INTS4: variants seen among roughly 807,000 people sequenced by gnomAD.
INTS4 encodes the protein integrator complex subunit 4, also known as MSTP093.
In INTS4, 70 loss-of-function variants were observed where a neutral mutation model predicts 119.5. That is an observed-to-expected ratio of 0.59 (90% CI 0.48 to 0.71). The LOEUF (loss-of-function observed/expected upper bound fraction) is 0.71, where lower values mean the gene tolerates loss of function less well. INTS4 is among the 30% of genes least tolerant of loss of function. The pLI is 0.00. For synonymous variants in INTS4, 316 were observed against 419.6 expected (o/e 0.75, Z 3.02); for missense variants, 867 against 1,173.2 (o/e 0.74, Z 3.81).
intron 10 of INTS4, among the ~76,000 whole-genome samples, chr11:77,932,927 G>T (rs956118162): frequency 6.7e-6 from 1 of 148,192 alleles, no homozygotes; most frequent in African/African-American, 2.5e-5. Context: ...GACACTGAAG[G>T]TGGGGGGGCA....
In INTS4 at chr11:77,961,151, A is replaced by AAG. The variant is rs750577348; in HGVS notation, c.472-14_472-13insCT. The AAG allele has an allele frequency of 2.3e-5, 36 of 1,543,186 alleles. No homozygotes were observed. Among genetic ancestry groups the AAG allele is most frequent in the Non-Finnish European group, 3.0e-5 (35 of 1,152,730 alleles). ...TATCTGTCAGATGCTATTAAAAAAA[A>AAG]AAAAAAAAAGAAAAAAAGAAAAAGA... On this transcript the variant is annotated splice_polypyrimidine_tract_variant and intron_variant, in intron 4 of 22. Coordinates refer to ENST00000534064, the MANE Select transcript of INTS4 (RefSeq NM_033547.4).
intron 2 of INTS4, among the ~76,000 whole-genome samples, 193 bp from the exon 3 acceptor site, chr11:77,981,769 T>G (rs1284301537): frequency 6.6e-6 from 1 of 151,696 alleles, no homozygotes; most frequent in Non-Finnish European, 1.5e-5. Context: ...ATTTATTTAT[T>G]TATTTATTTT....
At chr11:77,962,962 C>T (rs1276372733) in intron 4 of INTS4, among the ~76,000 whole-genome samples, 1 of 152,060 alleles carries the variant, frequency 6.6e-6, no homozygotes, top group Non-Finnish European at 1.5e-5. Flanking sequence ...TTTCAGTGAG[C>T]CAAGATCACG....
chr11:77,891,310 C>A lies in INTS4; in HGVS notation c.2592+9G>T. ...CTAGAAGCTCCATGAGGACCCAAAC[C>A]CGACAGACCTGGACCTTAACAGTGT... On this transcript the variant is annotated intron_variant, in intron 21 of 22. Coordinates refer to ENST00000534064, the MANE Select transcript of INTS4 (RefSeq NM_033547.4). 1 of 1,608,610 alleles carries A rather than the reference C, an allele frequency of 6.2e-7. No individual in the cohort carries two copies. The highest frequency in any genetic ancestry group is 8.5e-7 in the Non-Finnish European group (1 of 1,178,126).
chr11:77,956,496 C>T (rs1406822868), intron 7 of INTS4, among the ~76,000 whole-genome samples: 2 of 152,054 alleles, frequency 1.3e-5, no homozygotes, highest in Non-Finnish European at 1.5e-5. Flanking sequence ...AACTTGAGGT[C>T]AAGAGTTCGA....
At chr11:77,981,190 C>CAAAAAAAAAAAAAAAAAAAAAGA (rs35194381) in intron 3 of INTS4, among the ~76,000 whole-genome samples, 11 of 88,856 alleles carry the variant, frequency 1.2e-4, no homozygotes, top group South Asian at 4.4e-4. Context: ...AACAAACAAG[C>CAAAAAAAAAAAAAAAAAAAAAGA]AAAAAAAAAA....
At position 77,879,065 on chromosome 11, in the gene INTS4, AT is replaced by A; in HGVS notation, c.2775del (p.Lys925AsnfsTer28). 6.2e-7 allele frequency: 1 copy of A among 1,614,198 alleles called. No individual in the cohort carries two copies. Among genetic ancestry groups the A allele is most frequent in the Non-Finnish European group, 8.5e-7 (1 of 1,180,026 alleles). ...LAYNSSARIP[K>X]CPWMEGGEMS... Reference sequence around the variant, plus strand: ...ATCTCACCACCCTCCATCCAGGGGCATTTTGGAATGCGAGCACTGGAGTTGT... The same window carrying A: ...ATCTCACCACCCTCCATCCAGGGGCATTTGGAATGCGAGCACTGGAGTTGT... On this transcript the variant is annotated frameshift_variant, in exon 23 of 23. Coordinates refer to ENST00000534064, the MANE Select transcript of INTS4 (RefSeq NM_033547.4). LOFTEE classifies it high-confidence loss of function.
At position 77,891,388 on chromosome 11, in the gene INTS4, C is replaced by T; in HGVS notation, c.2523G>A (p.Leu841=). 1.9e-6 allele frequency: 3 copies of T among 1,612,564 alleles called. No homozygotes were observed. The highest frequency in any genetic ancestry group is 2.5e-6 in the Non-Finnish European group (3 of 1,179,344). The change falls in exon 21 of 23, where the codon TTG becomes TTA. Residue 841 remains leucine, a synonymous_variant. Coordinates refer to ENST00000534064, the MANE Select transcript of INTS4 (RefSeq NM_033547.4). ...TTGCATCAACATCCAGGGCAACCAC[C>T]AACCCAGAGGTAAACCGCAAAGGGT... is the stretch of plus-strand genomic sequence containing the variant. ...SDNPLRFTSG[L]VVALDVDATL... is the part of the protein sequence containing the mutation.
At chr11:77,917,105 G>A (rs946050190) in intron 15 of INTS4, among the ~76,000 whole-genome samples, 5 of 152,172 alleles carry the variant, frequency 3.3e-5, no homozygotes, top group African/African-American at 1.2e-4. Flanking sequence ...ATAAGTCTTT[G>A]TCTATATCCA....
intron 15 of INTS4, among the ~76,000 whole-genome samples, chr11:77,917,344 C>T (rs1953228455): frequency 6.7e-6 from 1 of 149,812 alleles, no homozygotes; most frequent in African/African-American, 2.5e-5. Flanking sequence ...GATGGAGTCT[C>T]ACTCTGTTGC....
chr11:77,903,119 T>G (rs2136444463), intron 17 of INTS4, among the ~76,000 whole-genome samples: 1 of 152,328 alleles, frequency 6.6e-6, no homozygotes, highest in South Asian at 2.1e-4. Flanking sequence ...TTTAAGTAAC[T>G]TGCTCAATAT....
intron 15 of INTS4, among the ~76,000 whole-genome samples, chr11:77,916,794 C>T (rs1953214334): frequency 6.6e-6 from 1 of 152,254 alleles, no homozygotes; most frequent in African/African-American, 2.4e-5. Flanking sequence ...GGACTTTCAT[C>T]TGTTTTTCCA....
intron 8 of INTS4, among the ~76,000 whole-genome samples, chr11:77,948,532 C>T (rs972678025): frequency 2.0e-5 from 3 of 151,450 alleles, no homozygotes; most frequent in Admixed American, 6.6e-5. Flanking sequence ...CCTGTAATCC[C>T]GGTACTGGGG....
chr11:77,890,112 A>G (rs550727624), intron 21 of INTS4, among the ~76,000 whole-genome samples: 1 of 152,204 alleles, frequency 6.6e-6, no homozygotes, highest in African/African-American at 2.4e-5. Context: ...GAGTAATCCT[A>G]AAGTGCAGTG....
chr11:77,969,482 G>A (rs960071279), intron 4 of INTS4, among the ~76,000 whole-genome samples: 1 of 152,138 alleles, frequency 6.6e-6, no homozygotes, highest in Non-Finnish European at 1.5e-5. Context: ...CTGGGCTCAA[G>A]TAATCCTCTC....
At chr11:77,940,358 G>A (rs1953900420) in intron 9 of INTS4, among the ~76,000 whole-genome samples, 1 of 152,138 alleles carries the variant, frequency 6.6e-6, no homozygotes, top group Non-Finnish European at 1.5e-5. Flanking sequence ...TTGAGCCCAA[G>A]AGATCAAAGT....
intron 15 of INTS4, among the ~76,000 whole-genome samples, chr11:77,913,739 C>T (rs1953141868): frequency 6.6e-6 from 1 of 152,248 alleles, no homozygotes; most frequent in Admixed American, 6.5e-5. Flanking sequence ...GTGCAAGCCA[C>T]AGCATCTGGC....
chr11:77,916,829 T>C (rs1953215237), intron 15 of INTS4, among the ~76,000 whole-genome samples: 1 of 152,282 alleles, frequency 6.6e-6, no homozygotes, highest in Non-Finnish European at 1.5e-5. Context: ...CTCTTCACTG[T>C]ATCATTTATC....
intron 11 of INTS4, among the ~76,000 whole-genome samples, 174 bp downstream of exon 11, chr11:77,928,168 A>T (rs1308852338): frequency 6.6e-6 from 1 of 152,192 alleles, no homozygotes; most frequent in Non-Finnish European, 1.5e-5. Flanking sequence ...GACCAAGCTT[A>T]TTCAAATTTC....
Sources: allele counts gnomAD v4.1 joint callset (sites outside exome capture counted in the v4.1 genomes callset), GRCh38; gene constraint gnomAD v4.1.1; transcripts MANE v1.5; gene names NCBI Gene and HGNC (gene_info 2026-07-23, HGNC 2026-07-21).